GPR180: variants seen among roughly 807,000 people sequenced by gnomAD.
GPR180 encodes the protein G protein-coupled receptor 180.
Under a neutral mutation model 52.6 loss-of-function variants are expected in GPR180, and 53 were observed. The ratio of observed to expected loss-of-function variants is 1.01; its 90% CI spans 0.81 to 1.27. The LOEUF (loss-of-function observed/expected upper bound fraction) is 1.27. Ranked by LOEUF, GPR180 falls within the 50% of genes most tolerant of loss-of-function variation. GPR180 has a pLI of 0.00. For synonymous variants in GPR180, 200 were observed against 193.1 expected (o/e 1.04, Z -0.30); for missense variants, 533 against 527.0 (o/e 1.01, Z -0.11).
At position 94,633,221 on chromosome 13, in the gene GPR180, A is replaced by C. The variant is rs546718946; in HGVS notation, c.*6050A>C. 1 of 152,178 alleles carries C rather than the reference A, an allele frequency of 6.6e-6. No homozygotes were observed. The highest frequency in any genetic ancestry group is 2.4e-5 in the African/African-American group (1 of 41,456). 9.4% of individuals were successfully genotyped at this position (152,178 alleles called of 1,614,324 possible). On this transcript the variant is annotated 3_prime_UTR_variant, in exon 9 of 9. Coordinates refer to ENST00000376958, the MANE Select transcript of GPR180 (RefSeq NM_180989.6). ...GGTCCTGGGAATGCCCAAAGTTGCT[A>C]GTTTCTGAAGTGAGGGCAGTCATAT...
At chr13:94,602,644 A>G (rs1889575225) in intron 1 of GPR180, among the ~76,000 whole-genome samples, 1 of 152,166 alleles carries the variant, frequency 6.6e-6, no homozygotes, top group Non-Finnish European at 1.5e-5. Flanking sequence ...TAAGGCCTAG[A>G]ATTAAGCTGA....
rs1400876334 is a variant in GPR180 at position 94,625,869 on chromosome 13, A to C, written c.1087-97A>C. On this transcript the variant is annotated intron_variant, in intron 7 of 8. Coordinates refer to ENST00000376958, the MANE Select transcript of GPR180 (RefSeq NM_180989.6). ...TGTACTCTAAAGGCCTGTTGAGGTT[A>C]ATCAGAACCTAAAAATGCTAGTAAC... 1.4e-5 allele frequency: 10 copies of C among 738,784 alleles called. No homozygotes were observed. The East Asian group carries it at 2.4e-4, about 18-fold the overall frequency. The allele number at this position is 738,784 out of a possible 1,614,324, so 45.8% of individuals were successfully genotyped here. A position where few individuals can be genotyped will look rare whatever the true frequency, so the allele number is the denominator to read the frequency against.
At chr13:94,612,669 G>A (rs1020702984) in intron 3 of GPR180, among the ~76,000 whole-genome samples, 3 of 152,132 alleles carry the variant, frequency 2.0e-5, no homozygotes, top group Non-Finnish European at 2.9e-5. Flanking sequence ...GAATTGTATA[G>A]TTTTGTTTGT....
chr13:94,617,987 G>A (rs1219233520), intron 3 of GPR180, among the ~76,000 whole-genome samples: 1 of 150,416 alleles, frequency 6.6e-6, no homozygotes, highest in East Asian at 1.9e-4. Flanking sequence ...TGGAGACTCA[G>A]TCAAAAGATT....
intron 2 of GPR180, among the ~76,000 whole-genome samples, chr13:94,609,170 A>G (rs938371714): frequency 6.6e-6 from 1 of 152,200 alleles, no homozygotes; most frequent in African/African-American, 2.4e-5. Context: ...GGTATATTTT[A>G]TAAATCATTT....
At chr13:94,608,246 G>A (rs1889658810) in intron 2 of GPR180, among the ~76,000 whole-genome samples, 1 of 152,138 alleles carries the variant, frequency 6.6e-6, no homozygotes, top group South Asian at 2.1e-4. Flanking sequence ...TGTACAACAA[G>A]CAAGTTGGAC....
intron 7 of GPR180, among the ~76,000 whole-genome samples, chr13:94,623,827 A>G (rs1270548062): frequency 1.3e-5 from 2 of 152,086 alleles, no homozygotes; most frequent in Non-Finnish European, 2.9e-5. Flanking sequence ...TTTTCCATAT[A>G]TTCTTTGCGG....
chr13:94,626,841 A>G (rs995132368), intron 8 of GPR180, among the ~76,000 whole-genome samples, 172 bp from the exon 9 acceptor site: 2 of 152,162 alleles, frequency 1.3e-5, no homozygotes, highest in African/African-American at 4.8e-5. Context: ...TCCTTAAACA[A>G]TTAGAGTTCT....
rs957655054 is a variant in GPR180 at position 94,612,278 on chromosome 13, A to G, written c.393A>G (p.Thr131=). The change falls in exon 3 of 9, where the codon ACA becomes ACG. Residue 131 remains threonine, a synonymous_variant. Coordinates refer to ENST00000376958, the MANE Select transcript of GPR180 (RefSeq NM_180989.6). ...ATGTGTTTTATGCAGACAAGTATAC[A>G]TGCCAAGATGACAAGGAGAATTCTC... The part of the protein sequence containing the change: ...TWHVFYADKY[T]CQDDKENSQV... The G allele has an allele frequency of 1.9e-6, 3 of 1,613,856 alleles. No individual in the cohort carries two copies. The highest frequency in any genetic ancestry group is 3.3e-5 in the Admixed American group (2 of 60,008).
chr13:94,622,089 G>C (rs1224083385), intron 6 of GPR180, among the ~76,000 whole-genome samples: 2 of 150,388 alleles, frequency 1.3e-5, no homozygotes, highest in Non-Finnish European at 3.0e-5. Context: ...GTTTTGAGTG[G>C]AATAGGAGTA....
chr13:94,623,847 G>C (rs1315823067), intron 7 of GPR180, among the ~76,000 whole-genome samples: 1 of 152,020 alleles, frequency 6.6e-6, no homozygotes, highest in Non-Finnish European at 1.5e-5. Context: ...GGTCAGTTTT[G>C]CCTGGTTCAT....
chr13:94,610,290 A>G (rs936204770), intron 2 of GPR180, among the ~76,000 whole-genome samples: 3 of 152,184 alleles, frequency 2.0e-5, no homozygotes, highest in African/African-American at 4.8e-5. Context: ...AATGTCTTTT[A>G]TTTATTAAAA....
intron 2 of GPR180, among the ~76,000 whole-genome samples, chr13:94,606,524 G>A (rs576211656): frequency 1.3e-5 from 2 of 152,146 alleles, no homozygotes; most frequent in African/African-American, 2.4e-5. Context: ...TTTGCACCTC[G>A]CAAGTTAATT....
chr13:94,616,730 TCAAAGTGAA>T (rs1013037752), intron 3 of GPR180, among the ~76,000 whole-genome samples: 5 of 152,204 alleles, frequency 3.3e-5, no homozygotes, highest in Admixed American at 6.5e-5. Flanking sequence ...GATTTTAATT[TCAAAGTGAA>T]CAAAGTGAAC....
intron 1 of GPR180, among the ~76,000 whole-genome samples, 174 bp downstream of exon 1, chr13:94,602,246 C>T (rs921567561): frequency 6.6e-6 from 1 of 152,238 alleles, no homozygotes; most frequent in African/African-American, 2.4e-5. Flanking sequence ...GGATGCGTTC[C>T]TTGCCAACCC....
rs1319798421 is a variant in GPR180 at position 94,632,623 on chromosome 13, C to T, written c.*5452C>T. On this transcript the variant is annotated 3_prime_UTR_variant, in exon 9 of 9. Transcript: ENST00000376958. ...ATTTGCCAAGACTTCCTTCCCTCCT[C>T]CCAAAATGCCTCCACTCCAGGTTCC... 6.6e-6 allele frequency: 1 copy of T among 152,188 alleles called. No individual in the cohort carries two copies. Among genetic ancestry groups the T allele is most frequent in the Non-Finnish European group, 1.5e-5 (1 of 68,046 alleles). 9.4% of individuals were successfully genotyped at this position (152,188 alleles called of 1,614,324 possible).
At chr13:94,622,683 C>T (rs1035073581) in intron 6 of GPR180, among the ~76,000 whole-genome samples, 25 of 152,210 alleles carry the variant, frequency 1.6e-4, no homozygotes, top group Admixed American at 3.3e-4. Context: ...AAGTGATTCT[C>T]CTACCTCAGC....
At chr13:94,610,639 G>A (rs913433908) in intron 2 of GPR180, among the ~76,000 whole-genome samples, 1 of 152,226 alleles carries the variant, frequency 6.6e-6, no homozygotes, top group African/African-American at 2.4e-5. Flanking sequence ...CTTCGTGTTA[G>A]TGTTAGTCAG....
intron 1 of GPR180, among the ~76,000 whole-genome samples, chr13:94,604,741 ATTTTT>A (rs112593382): frequency 6.8e-6 from 1 of 146,508 alleles, no homozygotes; most frequent in Admixed American, 6.8e-5. Context: ...AGCCCAGCTA[ATTTTT>A]TTTTTTTTTA....
Sources: allele counts gnomAD v4.1 joint callset (sites outside exome capture counted in the v4.1 genomes callset), GRCh38; gene constraint gnomAD v4.1.1; transcripts MANE v1.5; gene names NCBI Gene and HGNC (gene_info 2026-07-23, HGNC 2026-07-21).